The following B3GAT2 variants were observed in gnomAD, a reference collection of about 807,000 sequenced individuals.
B3GAT2 encodes the protein beta-1,3-glucuronyltransferase 2.
B3GAT2 carries 26 observed loss-of-function variants against 27.8 expected under a neutral mutation model. That is an observed-to-expected ratio of 0.93 (90% confidence interval 0.68 to 1.30). B3GAT2 has a LOEUF of 1.30. Among genes scored for constraint, B3GAT2 ranks in the 50% most tolerant of loss-of-function variants. The pLI is 0.00. For synonymous variants in B3GAT2, 218 were observed against 195.1 expected (o/e 1.12, Z -0.98); for missense variants, 458 against 459.0 (o/e 1.00, Z 0.02).
chr6:70,875,257 A>C (rs551510565), intron 2 of B3GAT2, among the ~76,000 whole-genome samples: 1 of 152,296 alleles, frequency 6.6e-6, no homozygotes, highest in Non-Finnish European at 1.5e-5. Context: ...TGAAAACAGA[A>C]AACTGCTACT....
At chr6:70,876,068 T>C (rs1772009349) in intron 2 of B3GAT2, among the ~76,000 whole-genome samples, 1 of 152,196 alleles carries the variant, frequency 6.6e-6, no homozygotes, top group Admixed American at 6.5e-5. Context: ...AAGACTCTGA[T>C]GGGAAATAAA....
At chr6:70,917,163 T>A (rs1772787156) in intron 1 of B3GAT2, among the ~76,000 whole-genome samples, 3 of 152,262 alleles carry the variant, frequency 2.0e-5, no homozygotes, top group Admixed American at 2.0e-4. Context: ...CCATTTCTTC[T>A]AGATTTTCTA....
chr6:70,917,184 G>A (rs1297315985), intron 1 of B3GAT2, among the ~76,000 whole-genome samples: 15 of 152,204 alleles, frequency 9.9e-5, no homozygotes, highest in South Asian at 4.1e-4. Context: ...TTTTATTTGC[G>A]TAGAGGTGTT....
intron 1 of B3GAT2, among the ~76,000 whole-genome samples, chr6:70,946,663 A>G (rs1041323117): frequency 2.0e-5 from 3 of 152,186 alleles, no homozygotes; most frequent in Non-Finnish European, 4.4e-5. Context: ...TCAACATTAG[A>G]CAGATCAACG....
intron 1 of B3GAT2, among the ~76,000 whole-genome samples, chr6:70,918,961 G>C (rs184753225): frequency 6.6e-6 from 1 of 152,162 alleles, no homozygotes; most frequent in Admixed American, 6.5e-5. Context: ...GGTTGGGGAA[G>C]TTCTCCTGCA....
chr6:70,907,159 G>A (rs930677978), intron 1 of B3GAT2, among the ~76,000 whole-genome samples: 1 of 152,140 alleles, frequency 6.6e-6, no homozygotes, highest in Non-Finnish European at 1.5e-5. Flanking sequence ...CCACATGACT[G>A]CCAAGAGGGT....
chr6:70,884,179 C>T (rs536945048), intron 2 of B3GAT2, among the ~76,000 whole-genome samples: 10 of 151,758 alleles, frequency 6.6e-5, no homozygotes, highest in African/African-American at 1.5e-4. Flanking sequence ...TCTCTTTGCT[C>T]CTAGGTGGAG....
chr6:70,921,185 A>G (rs1037419781), intron 1 of B3GAT2, among the ~76,000 whole-genome samples: 15 of 152,060 alleles, frequency 9.9e-5, no homozygotes, highest in African/African-American at 3.6e-4. Context: ...GCAAGGCTGG[A>G]AAAATTGCTT....
At chr6:70,898,922 C>A (rs957474659) in intron 1 of B3GAT2, among the ~76,000 whole-genome samples, 1 of 151,702 alleles carries the variant, frequency 6.6e-6, no homozygotes, top group Non-Finnish European at 1.5e-5. Context: ...GTGATTGCAC[C>A]ACTGCACTCT....
chr6:70,872,501 GTTCT>G (rs1771953170), intron 2 of B3GAT2, among the ~76,000 whole-genome samples: 2 of 115,728 alleles, frequency 1.7e-5, no homozygotes, highest in Admixed American at 1.8e-4. Flanking sequence ...AATCATTCCC[GTTCT>G]TTTTTTTTTT....
intron 2 of B3GAT2, among the ~76,000 whole-genome samples, chr6:70,865,323 G>T (rs556628032): frequency 6.6e-6 from 1 of 152,056 alleles, no homozygotes; most frequent in Non-Finnish European, 1.5e-5. Context: ...TCACTATGTC[G>T]GCCAGGCTGG....
At chr6:70,941,014 G>A (rs976756539) in intron 1 of B3GAT2, among the ~76,000 whole-genome samples, 2 of 152,198 alleles carry the variant, frequency 1.3e-5, no homozygotes, top group East Asian at 1.9e-4. Flanking sequence ...GATGCTTTTA[G>A]TTCTCTCACA....
At chr6:70,912,768 C>G (rs1395346576) in intron 1 of B3GAT2, among the ~76,000 whole-genome samples, 1 of 152,098 alleles carries the variant, frequency 6.6e-6, no homozygotes. Flanking sequence ...CTTTATACAT[C>G]TGGCAGAATT....
intron 2 of B3GAT2, among the ~76,000 whole-genome samples, chr6:70,886,935 G>T (rs1342320977): frequency 6.6e-6 from 1 of 152,114 alleles, no homozygotes. Flanking sequence ...TCCTCTCCCG[G>T]TGACAATCAC....
intron 1 of B3GAT2, among the ~76,000 whole-genome samples, chr6:70,897,282 C>T (rs1372245115): frequency 6.6e-6 from 1 of 151,972 alleles, no homozygotes; most frequent in Non-Finnish European, 1.5e-5. Flanking sequence ...ATATATTCTG[C>T]ACACAAATCT....
At chr6:70,939,153 T>TCAG (rs1190334130) in intron 1 of B3GAT2, among the ~76,000 whole-genome samples, 1 of 151,542 alleles carries the variant, frequency 6.6e-6, no homozygotes, top group African/African-American at 2.4e-5. Flanking sequence ...GAAAAAACGC[T>TCAG]CATCACTGGC....
intron 2 of B3GAT2, among the ~76,000 whole-genome samples, chr6:70,868,400 C>G (rs189738587): frequency 6.6e-6 from 1 of 152,304 alleles, no homozygotes; most frequent in East Asian, 1.9e-4. Context: ...CCACAGTTAA[C>G]AGTATCAATA....
chr6:70,864,038 C>T (rs1478196126), intron 2 of B3GAT2, among the ~76,000 whole-genome samples: 1 of 147,980 alleles, frequency 6.8e-6, no homozygotes, highest in Non-Finnish European at 1.5e-5. Flanking sequence ...CTTTTTCCCA[C>T]ATGCTTATAA....
At chr6:70,873,715 T>C (rs958758405) in intron 2 of B3GAT2, among the ~76,000 whole-genome samples, 5 of 152,118 alleles carry the variant, frequency 3.3e-5, no homozygotes, top group African/African-American at 1.2e-4. Context: ...AATAAGACTA[T>C]GAGGTCCTGT....
Sources: gnomAD v4.1 joint callset for allele counts (sites outside exome capture counted in the v4.1 genomes callset) on GRCh38, gnomAD v4.1.1 for gene constraint, MANE v1.5 for transcripts, NCBI Gene and HGNC (gene_info 2026-07-23, HGNC 2026-07-21) for gene names.